The following C10orf143 variants were observed in gnomAD, a reference collection of about 807,000 sequenced individuals.
C10orf143 encodes the protein chromosome 10 open reading frame 143.
At chr10:130,058,512 G>A (rs753290411) in intron 3 of C10orf143, among the ~76,000 whole-genome samples, 8 of 151,296 alleles carry the variant, frequency 5.3e-5, no homozygotes, top group Non-Finnish European at 1.2e-4. Flanking sequence ...AATTGATGAA[G>A]CATGTAGAAA....
At chr10:130,044,514 G>A (rs984430190) in intron 3 of C10orf143, among the ~76,000 whole-genome samples, 15 of 152,214 alleles carry the variant, frequency 9.9e-5, no homozygotes, top group Non-Finnish European at 2.2e-4. Flanking sequence ...AACCCCGGGT[G>A]TGGTCTTTGA....
At position 130,056,593 on chromosome 10, in the gene C10orf143, T is replaced by C. The variant is rs1265718391; in HGVS notation, c.298-20623A>G. ...TTTTTTAAATTAAATTAAATCTATTTTATTTTATTTTATTTTGAAATGGAG... is the reference window on the plus strand; with the variant it reads ...TTTTTTAAATTAAATTAAATCTATTCTATTTTATTTTATTTTGAAATGGAG... On this transcript the variant is annotated intron_variant and NMD_transcript_variant, in intron 3 of 5. Transcript: ENST00000643056. The surrounding 1 kb of genome is among the most constrained non-coding windows in gnomAD (Gnocchi z 4.6). Among the ~76,000 whole-genome samples the C allele has an allele frequency of 6.6e-6, 1 of 152,112 alleles. No homozygotes were observed. Among genetic ancestry groups the C allele is most frequent in the Non-Finnish European group, 1.5e-5 (1 of 68,016 alleles).
At chr10:130,085,027 A>G (rs1363512809) in intron 1 of C10orf143, among the ~76,000 whole-genome samples, 3 of 152,244 alleles carry the variant, frequency 2.0e-5, no homozygotes, top group Non-Finnish European at 4.4e-5. Context: ...TAGTCTACCC[A>G]TATCAAAAAT....
chr10:130,085,016 T>C (rs1228097439), intron 1 of C10orf143, among the ~76,000 whole-genome samples: 1 of 152,212 alleles, frequency 6.6e-6, no homozygotes, highest in Non-Finnish European at 1.5e-5. Flanking sequence ...TAAATGCCTA[T>C]TAGTCTACCC....
chr10:130,093,724 T>C (rs1564967246), intron 1 of C10orf143, among the ~76,000 whole-genome samples: 2 of 151,878 alleles, frequency 1.3e-5, no homozygotes, highest in African/African-American at 2.4e-5. Context: ...TAAAAAATGA[T>C]AAAGGGGGCC....
intron 3 of C10orf143, chr10:130,067,484 GCT>G: frequency 6.6e-6 from 1 of 152,216 alleles, no homozygotes; most frequent in Non-Finnish European, 1.5e-5. Flanking sequence ...GCTGTGGCTA[GCT>G]CTCTGCTTCT....
intron 3 of C10orf143, among the ~76,000 whole-genome samples, chr10:130,068,857 GA>G (rs1427303778): frequency 6.7e-6 from 1 of 150,070 alleles, no homozygotes; most frequent in Non-Finnish European, 1.5e-5. Flanking sequence ...TGAGGAACAG[GA>G]AAAAAAAAGC....
At chr10:130,106,197 C>T (rs1191350592) in intron 1 of C10orf143, 3 of 1,036,176 alleles carry the variant, frequency 2.9e-6, no homozygotes, top group East Asian at 5.0e-5. Flanking sequence ...GCTGTTGCTG[C>T]ATTTTTTGCT....
intron 1 of C10orf143, chr10:130,107,013 CTTTAAAAACCTTAGAAGGA>C (rs754920515): frequency 1.7e-6 from 2 of 1,185,274 alleles, no homozygotes; most frequent in Non-Finnish European, 2.5e-6. Flanking sequence ...TTAAATGCTT[CTTTAAAAACCTTAGAAGGA>C]GAAAGAAACC....
At chr10:130,069,626 T>A (rs63716862) in intron 3 of C10orf143, among the ~76,000 whole-genome samples, 2 of 146,366 alleles carry the variant, frequency 1.4e-5, no homozygotes, top group African/African-American at 5.0e-5. Flanking sequence ...ATTTTTTTTT[T>A]AAGAGATGGG....
At chr10:130,035,830 C>G (rs1215919945) in intron 4 of C10orf143, 1 of 152,274 alleles carries the variant, frequency 6.6e-6, no homozygotes, top group Non-Finnish European at 1.5e-5. Flanking sequence ...ATGCCACTGA[C>G]TGTGTGGCTT....
At chr10:130,101,466 A>G (rs1861549051) in intron 1 of C10orf143, among the ~76,000 whole-genome samples, 1 of 152,154 alleles carries the variant, frequency 6.6e-6, no homozygotes, top group Admixed American at 6.5e-5. Context: ...ATTGGAAGCA[A>G]CTGTGTCAAG....
chr10:130,047,503 C>G (rs1860690117), intron 3 of C10orf143, among the ~76,000 whole-genome samples: 1 of 152,154 alleles, frequency 6.6e-6, no homozygotes, highest in Non-Finnish European at 1.5e-5. Context: ...CTGATGATGC[C>G]CACAGCTCTC....
intron 1 of C10orf143, among the ~76,000 whole-genome samples, chr10:130,087,091 A>G (rs1861302632): frequency 1.3e-5 from 2 of 152,208 alleles, no homozygotes; most frequent in South Asian, 4.1e-4. Flanking sequence ...GCACTCAGCC[A>G]GCACAGTGAA....
downstream of C10orf143, among the ~76,000 whole-genome samples, chr10:130,062,178 A>G (rs1295962420): frequency 2.6e-5 from 4 of 152,150 alleles, no homozygotes; most frequent in Non-Finnish European, 5.9e-5. Context: ...CCCCCTTTTT[A>G]GGTACCCAGT....
At chr10:130,062,694 G>A (rs1244386052), downstream of C10orf143, among the ~76,000 whole-genome samples, 1 of 152,086 alleles carries the variant, frequency 6.6e-6, no homozygotes, top group Admixed American at 6.5e-5. Flanking sequence ...GCCTATTGTG[G>A]GACCTCACCT....
In C10orf143 at chr10:130,053,146, C is replaced by T. The variant is rs184202815; in HGVS notation, c.298-17176G>A. 2.0e-4 allele frequency among the ~76,000 whole-genome samples: 30 copies of T among 152,254 alleles called. No homozygotes were observed. The East Asian group carries it at 4.3e-3, about 22-fold the overall frequency. ...CATGATCTCGGCTCACTGCAACCTC[C>T]GACTCCAGGGTTCAGGCGATTCTCC... On this transcript the variant is annotated intron_variant and NMD_transcript_variant, in intron 3 of 5. Transcript: ENST00000643056.
intron 3 of C10orf143, among the ~76,000 whole-genome samples, chr10:130,075,529 A>G (rs1861101202): frequency 2.6e-5 from 4 of 152,234 alleles, no homozygotes; most frequent in African/African-American, 4.8e-5. Context: ...CAATCTAGGT[A>G]TATTTCAAAC....
At chr10:130,106,079 T>G (rs559709528) in intron 1 of C10orf143, 1 of 601,234 alleles carries the variant, frequency 1.7e-6, no homozygotes, top group South Asian at 1.4e-5. Context: ...TCAGCGGTAC[T>G]TGGGGCTGGT....
Sources: gnomAD v4.1 joint callset for allele counts (sites outside exome capture counted in the v4.1 genomes callset) on GRCh38, gnomAD v4.1.1 for gene constraint, Gnocchi (gnomAD v3.1) non-coding constraint, MANE v1.5 for transcripts, NCBI Gene and HGNC (gene_info 2026-07-23, HGNC 2026-07-21) for gene names.